The following ERCC6 variants were observed in gnomAD, a reference collection of about 807,000 sequenced individuals.
ERCC6 encodes the protein DNA excision repair protein ERCC-6.
A neutral mutation model predicts 158.7 loss-of-function variants in ERCC6; 116 were observed. That is an observed-to-expected ratio of 0.73 (90% confidence interval 0.63 to 0.85). The LOEUF (loss-of-function observed/expected upper bound fraction) is 0.85, where lower values mean the gene tolerates loss of function less well. Among genes scored for constraint, ERCC6 ranks in the 40% least tolerant of loss-of-function variants. The pLI is 0.00. For missense variants in ERCC6, 1,698 were observed against 1,799.4 expected (o/e 0.94, Z 1.02); for synonymous variants, 678 against 659.3 (o/e 1.03, Z -0.43).
At position 49,461,487 on chromosome 10, in the gene ERCC6, TCCA is replaced by T. The variant is rs1420420583; in HGVS notation, c.3845_3847del (p.Val1282del). The T allele has an allele frequency of 1.9e-6, 3 of 1,614,148 alleles. No homozygotes were observed. Among genetic ancestry groups the T allele is most frequent in the Non-Finnish European group, 1.7e-6 (2 of 1,180,020 alleles). ...CTGGGCCACTCGGTTGGCTTCTGCCTCCACCAGTACATAATCTGGGCTGGCTCC... is the reference window on the plus strand; with the variant it reads ...CTGGGCCACTCGGTTGGCTTCTGCCTCCAGTACATAATCTGGGCTGGCTCC... On this transcript the variant is annotated inframe_deletion, in exon 19 of 21. Transcript: ENST00000355832.
intron 14 of ERCC6, 39 bp downstream of exon 14, chr10:49,473,438 G>T: frequency 7.9e-7 from 1 of 1,273,622 alleles, no homozygotes; most frequent in Non-Finnish European, 1.2e-6. Flanking sequence ...TCCACGTACA[G>T]CAGCACCACT....
At chr10:49,531,516 T>C (rs1440676892) in intron 2 of ERCC6, among the ~76,000 whole-genome samples, 1 of 152,192 alleles carries the variant, frequency 6.6e-6, no homozygotes, top group Non-Finnish European at 1.5e-5. Flanking sequence ...AGACACCACA[T>C]GCCACCAGCC....
Position 49,530,767 on chromosome 10 carries a change from C to T in ERCC6, c.496G>A (p.Asp166Asn), listed in dbSNP as rs764437003. 1.2e-6 allele frequency: 2 copies of T among 1,613,780 alleles called. No individual in the cohort carries two copies. The highest frequency in any genetic ancestry group is 1.7e-6 in the Non-Finnish European group (2 of 1,179,896). Reference sequence around the variant, plus strand: ...ACAGAATCTAGTTTCCTGTTGATGTCTCTGCTGGTGGCAGCTTGAGGGCTA... The same window carrying T: ...ACAGAATCTAGTTTCCTGTTGATGTTTCTGCTGGTGGCAGCTTGAGGGCTA... ...QLSPQAATSR[D>N]INRKLDSVKR... The change falls in exon 3 of 21, where the codon GAC (aspartate) becomes AAC (asparagine). Residue 166 changes from aspartate to asparagine, a missense_variant. Asp to Asn is a conservative substitution (Grantham distance 23). Transcript: ENST00000355832.
chr10:49,468,040 A>G (rs568281946), intron 18 of ERCC6, among the ~76,000 whole-genome samples: 7 of 152,286 alleles, frequency 4.6e-5, no homozygotes, highest in Admixed American at 3.3e-4. Context: ...ATGCCCCATG[A>G]AATATTTTTC....
chr10:49,516,934 C>A (rs778370093), intron 5 of ERCC6: 5 of 1,614,098 alleles, frequency 3.1e-6, no homozygotes, highest in Non-Finnish European at 4.2e-6. Flanking sequence ...AGATACGCAG[C>A]TGTGTGCAAC....
At chr10:49,462,053 A>G (rs922162194) in intron 18 of ERCC6, among the ~76,000 whole-genome samples, 2 of 152,242 alleles carry the variant, frequency 1.3e-5, no homozygotes, top group African/African-American at 4.8e-5. Flanking sequence ...AACTGACACT[A>G]AAGTTCATAC....
At position 49,458,906 on chromosome 10, in the gene ERCC6, C is replaced by T. The variant is rs759125039; in HGVS notation, c.4391G>A (p.Cys1464Tyr). Reference protein sequence around the residue: ...FESKLSASQSCVFRELLRNLC... With the variant: ...FESKLSASQSYVFRELLRNLC... ...ATTTCTCAATAGTTCTCGGAAGACA[C>T]AAGACTGTGATGCAGATAACTTGGA... The change falls in exon 21 of 21, where the codon TGT (cysteine) becomes TAT (tyrosine). Residue 1464 changes from cysteine (C) to tyrosine (Y), a missense_variant. Coordinates refer to ENST00000355832, the MANE Select transcript of ERCC6 (RefSeq NM_000124.4). 1.2e-6 allele frequency: 2 copies of T among 1,614,212 alleles called. 1 individual carries two copies. Among genetic ancestry groups the T allele is most frequent in the South Asian group, 2.2e-5 (2 of 91,082 alleles).
chr10:49,512,708 A>C (rs1242102573), intron 5 of ERCC6, among the ~76,000 whole-genome samples: 1 of 152,248 alleles, frequency 6.6e-6, no homozygotes, highest in Non-Finnish European at 1.5e-5. Flanking sequence ...GATGGGACCC[A>C]AGACTAAATA....
chr10:49,452,661 C>T (rs1850433282), downstream of ERCC6, among the ~76,000 whole-genome samples: 2 of 152,142 alleles, frequency 1.3e-5, no homozygotes, highest in South Asian at 2.1e-4. Context: ...TTGTCCATTA[C>T]TGAAAATAGG....
chr10:49,443,546 C>T, the ERCC6 span, among the ~76,000 whole-genome samples: 1 of 152,174 alleles, frequency 6.6e-6, no homozygotes, highest in Non-Finnish European at 1.5e-5. Flanking sequence ...TACTGCACTG[C>T]CAGTTGTATA....
At chr10:49,472,024 C>A (rs1305805227) in intron 16 of ERCC6, among the ~76,000 whole-genome samples, 3 of 152,198 alleles carry the variant, frequency 2.0e-5, no homozygotes, top group Non-Finnish European at 2.9e-5. Flanking sequence ...ATGTAAACAC[C>A]AATATGGTAA....
chr10:49,461,239 G>A (rs1850576365), intron 19 of ERCC6, 113 bp downstream of exon 19: 2 of 1,115,666 alleles, frequency 1.8e-6, no homozygotes, highest in African/African-American at 1.5e-5. Flanking sequence ...TCCCTCCCTG[G>A]GGATTTATTC....
At position 49,515,994 on chromosome 10, in the gene ERCC6, G is replaced by A. The variant is rs370332660; in HGVS notation, c.1397+8039C>T. 2.5e-6 allele frequency: 4 copies of A among 1,613,960 alleles called. No individual in the cohort carries two copies. Among genetic ancestry groups the A allele is most frequent in the Non-Finnish European group, 3.4e-6 (4 of 1,180,036 alleles). On this transcript the variant is annotated intron_variant, in intron 5 of 20. Coordinates refer to ENST00000355832, the MANE Select transcript of ERCC6 (RefSeq NM_000124.4). ...TCTGTCAATGTGATCCTTTCTCACT[G>A]TACCTGTTGCCTGATGTCCCATTGA... is the stretch of plus-strand genomic sequence containing the variant.
rs1371707096 is a variant in ERCC6, at chr10:49,455,271, A to C, written c.*3544T>G. The C allele has an allele frequency of 6.6e-6, 1 of 152,218 alleles. No homozygotes were observed. The highest frequency in any genetic ancestry group is 6.5e-5 in the Admixed American group (1 of 15,286). 9.4% of individuals were successfully genotyped at this position (152,218 alleles called of 1,614,324 possible). On this transcript the variant is annotated 3_prime_UTR_variant, in exon 21 of 21. Coordinates refer to ENST00000355832, the MANE Select transcript of ERCC6 (RefSeq NM_000124.4). ...TCCAAGAATATAAAAGACTTTAATA[A>C]AATGAGGCCTATCATAACACTAATC...
chr10:49,478,190 C>T (rs779112281), intron 11 of ERCC6, among the ~76,000 whole-genome samples, 164 bp downstream of exon 11: 3 of 152,244 alleles, frequency 2.0e-5, no homozygotes, highest in Non-Finnish European at 2.9e-5. Flanking sequence ...AGCCTGTGGA[C>T]TAGAGAAGAA....
intron 15 of ERCC6, 50 bp from the exon 16 acceptor site, chr10:49,472,520 A>C (rs2132539665): frequency 6.3e-7 from 1 of 1,576,654 alleles, no homozygotes; most frequent in South Asian, 1.1e-5. Context: ...CCCAATGACA[A>C]GCACTGACTA....
At position 49,524,546 on chromosome 10, in the gene ERCC6, G is replaced by A. The variant is rs1837263289; in HGVS notation, c.884C>T (p.Ala295Val). The A allele has an allele frequency of 1.9e-6, 3 of 1,614,174 alleles. No homozygotes were observed. The highest frequency in any genetic ancestry group is 2.5e-6 in the Non-Finnish European group (3 of 1,180,014). The change falls in exon 5 of 21, where the codon GCT becomes GTT. Residue 295 changes from alanine (A) to valine (V), a missense_variant. Transcript: ENST00000355832. ...CGTGACTGGGGCTGGAGCTTTTCTA[G>A]CTGCTCTTTTATTACAACCTTGCTT... ...RKKQGCNKRAARKAPAPVTPP... is the reference protein window; with the variant it reads ...RKKQGCNKRAVRKAPAPVTPP...
intron 8 of ERCC6, among the ~76,000 whole-genome samples, chr10:49,489,524 T>A (rs1851135202): frequency 6.6e-6 from 1 of 152,234 alleles, no homozygotes; most frequent in Non-Finnish European, 1.5e-5. Context: ...CCTGGTCTTG[T>A]AAGCACAAAA....
intron 2 of ERCC6, 98 bp downstream of exon 2, chr10:49,532,445 A>G: frequency 1.3e-6 from 2 of 1,572,998 alleles, no homozygotes; most frequent in South Asian, 1.1e-5. Flanking sequence ...GGTTCTACAC[A>G]TCTCCTAAAC....
Sources: gnomAD v4.1 joint callset for allele counts (sites outside exome capture counted in the v4.1 genomes callset) on GRCh38, gnomAD v4.1.1 for gene constraint, MANE v1.5 for transcripts, NCBI Gene and HGNC (gene_info 2026-07-23, HGNC 2026-07-21) for gene names.